Variants in TRIM44 observed in about 807,000 individuals in gnomAD.
TRIM44 encodes tripartite motif containing 44.
Under a neutral mutation model 37.4 loss-of-function variants are expected in TRIM44, and 13 were observed. The ratio of observed to expected loss-of-function variants is 0.35; its 90% confidence interval spans 0.23 to 0.55. The LOEUF is 0.55. TRIM44 is among the 20% of genes least tolerant of loss of function. The pLI is 0.89. For missense variants in TRIM44, 426 were observed against 437.2 expected (o/e 0.97, Z 0.23); for synonymous variants, 175 against 157.2 (o/e 1.11, Z -0.85).
intron 4 of TRIM44, among the ~76,000 whole-genome samples, chr11:35,753,780 G>A (rs1852588265): frequency 6.6e-6 from 1 of 151,708 alleles, no homozygotes; most frequent in Non-Finnish European, 1.5e-5. Flanking sequence ...GCAGGTTGCA[G>A]CGCAGTGGCG....
intron 2 of TRIM44, among the ~76,000 whole-genome samples, chr11:35,712,102 G>A (rs1407186403): frequency 1.3e-5 from 2 of 152,286 alleles, no homozygotes; most frequent in East Asian, 3.9e-4. Context: ...CTCTGTGAGT[G>A]AACTTGCCTG....
At chr11:35,664,281 T>G (rs1305130347) in intron 1 of TRIM44, among the ~76,000 whole-genome samples, 1 of 152,210 alleles carries the variant, frequency 6.6e-6, no homozygotes, top group African/African-American at 2.4e-5. Flanking sequence ...CATTTTAGAT[T>G]CTTCGTGTTT....
rs1590620080 is a variant in TRIM44 at position 35,813,696 on chromosome 11, A to G, written c.*7311A>G. 2.0e-5 allele frequency: 3 copies of G among 152,288 alleles called. No homozygotes were observed. The South Asian group carries it at 6.2e-4, about 32-fold the overall frequency. 9.4% of individuals were successfully genotyped at this position (152,288 alleles called of 1,614,324 possible). ...TCTATTTAAAATGATGACCCTGTGC[A>G]CCATACATAAAAAAACTATGCTTAG... On this transcript the variant is annotated 3_prime_UTR_variant, in exon 5 of 5. Coordinates refer to ENST00000299413, the MANE Select transcript of TRIM44 (RefSeq NM_017583.6).
At chr11:35,703,348 GACA>G (rs1851823536) in intron 2 of TRIM44, among the ~76,000 whole-genome samples, 1 of 152,230 alleles carries the variant, frequency 6.6e-6, no homozygotes, top group Non-Finnish European at 1.5e-5. Flanking sequence ...CAAACAAAAA[GACA>G]GCAGTAACCT....
At position 35,726,181 on chromosome 11, in the gene TRIM44, A is replaced by G; in HGVS notation, c.987+18A>G. The stretch of plus-strand genomic sequence containing the variant: ...AGGCAGAGGTAAAGGAAAAGCCCAT[A>G]ATTATTAGTAGCAAGAGAAATAGGA... On this transcript the variant is annotated intron_variant, in intron 3 of 4. Transcript: ENST00000299413. 1 of 1,610,070 alleles carries G rather than the reference A, an allele frequency of 6.2e-7. No homozygotes were observed. Among genetic ancestry groups the G allele is most frequent in the African/African-American group, 1.3e-5 (1 of 74,856 alleles).
intron 4 of TRIM44, among the ~76,000 whole-genome samples, chr11:35,780,669 G>A (rs1853050832): frequency 6.6e-6 from 1 of 152,138 alleles, no homozygotes; most frequent in Non-Finnish European, 1.5e-5. Flanking sequence ...GTTGTAAGTG[G>A]CAAGATCAGG....
chr11:35,754,949 G>A (rs541684196), intron 4 of TRIM44, among the ~76,000 whole-genome samples: 11 of 152,148 alleles, frequency 7.2e-5, no homozygotes, highest in Non-Finnish European at 1.6e-4. Context: ...ATTGTGAATA[G>A]TGCTGCAATA....
rs1480513321 is a variant in TRIM44, at chr11:35,807,640, A to G, written c.*1255A>G. 6.6e-6 allele frequency: 1 copy of G among 152,230 alleles called. No individual in the cohort carries two copies. The highest frequency in any genetic ancestry group is 1.5e-5 in the Non-Finnish European group (1 of 68,038). The allele number at this position is 152,230 out of a possible 1,614,324, so 9.4% of individuals were successfully genotyped here. ...TCTTCTTGAAGCATCAGTTTTACTT[A>G]CCAAATGGTTTAGAGTCATAAGATG... On this transcript the variant is annotated 3_prime_UTR_variant, in exon 5 of 5. Coordinates refer to ENST00000299413, the MANE Select transcript of TRIM44 (RefSeq NM_017583.6).
At chr11:35,702,256 T>G (rs1463678181) in intron 2 of TRIM44, among the ~76,000 whole-genome samples, 1 of 152,188 alleles carries the variant, frequency 6.6e-6, no homozygotes, top group African/African-American at 2.4e-5. Context: ...CATGAGACCC[T>G]GGCTTTCTGC....
At chr11:35,699,727 C>T (rs1939508295) in intron 2 of TRIM44, among the ~76,000 whole-genome samples, 1 of 151,608 alleles carries the variant, frequency 6.6e-6, no homozygotes. Flanking sequence ...CCAAAATCTC[C>T]TTAAGCCCAT....
In TRIM44 at chr11:35,774,544, C is replaced by A. The variant is rs1296755284; in HGVS notation, c.1008-31814C>A. ...TGTTTTAATCATGAAGTCCTTGCCCCTGCCTATGTCCTGAATGGTATTACC... is the reference window on the plus strand; with the variant it reads ...TGTTTTAATCATGAAGTCCTTGCCCATGCCTATGTCCTGAATGGTATTACC... On this transcript the variant is annotated intron_variant, in intron 4 of 4. Coordinates refer to ENST00000299413, the MANE Select transcript of TRIM44 (RefSeq NM_017583.6). Among the ~76,000 whole-genome samples, 3 of 152,110 alleles carry A rather than the reference C, an allele frequency of 2.0e-5. No individual in the cohort carries two copies. The East Asian group carries it at 5.8e-4, about 29-fold the overall frequency.
chr11:35,736,884 A>G (rs1279808207), intron 4 of TRIM44, among the ~76,000 whole-genome samples: 2 of 152,142 alleles, frequency 1.3e-5, no homozygotes, highest in South Asian at 2.1e-4. Flanking sequence ...CATTTAACAT[A>G]TATTCGTGAC....
rs537778465 is a variant in TRIM44, at chr11:35,789,878, ACG to A, written c.1008-16479_1008-16478del. On this transcript the variant is annotated intron_variant, in intron 4 of 4. Transcript: ENST00000299413. The stretch of plus-strand genomic sequence containing the variant: ...ATTTCTATTGAAATCAATCGTAAAT[ACG>A]ATAGATTTCTATTGAAATCTATCGT... 1.9e-3 allele frequency among the ~76,000 whole-genome samples: 281 copies of A among 151,284 alleles called. 2 individuals carry two copies. Among genetic ancestry groups the A allele is most frequent in the African/African-American group, 6.6e-3 (270 of 40,612 alleles).
At chr11:35,724,765 T>C (rs1323017503) in intron 2 of TRIM44, among the ~76,000 whole-genome samples, 2 of 152,320 alleles carry the variant, frequency 1.3e-5, no homozygotes, top group East Asian at 3.9e-4. Context: ...TAGTAAAAGT[T>C]TAAAAGCTTG....
Position 35,781,569 on chromosome 11 carries a change from A to G in TRIM44, c.1008-24789A>G, listed in dbSNP as rs542763751. Among the ~76,000 whole-genome samples the G allele has an allele frequency of 9.2e-5, 14 of 152,348 alleles. No individual in the cohort carries two copies. The South Asian group carries it at 2.3e-3, about 25-fold the overall frequency. On this transcript the variant is annotated intron_variant, in intron 4 of 4. Transcript: ENST00000299413. ...AGCCTCCAGATCCCTAGTCACACAGATAGAACTTAGGCACCTCGGAAGCAA... is the reference window on the plus strand; with the variant it reads ...AGCCTCCAGATCCCTAGTCACACAGGTAGAACTTAGGCACCTCGGAAGCAA...
At chr11:35,736,702 T>C (rs1377919456) in intron 4 of TRIM44, among the ~76,000 whole-genome samples, 1 of 152,222 alleles carries the variant, frequency 6.6e-6, no homozygotes, top group African/African-American at 2.4e-5. Context: ...TTGTCTACTA[T>C]GGCTAAAGCC....
chr11:35,665,414 T>G (rs1851319831), intron 1 of TRIM44, among the ~76,000 whole-genome samples: 1 of 152,128 alleles, frequency 6.6e-6, no homozygotes, highest in Non-Finnish European at 1.5e-5. Flanking sequence ...TTTTCATTTT[T>G]GTCAATCTTG....
At position 35,691,721 on chromosome 11, in the gene TRIM44, T is replaced by G. The variant is rs1196245166; in HGVS notation, c.747+6385T>G. 2.0e-5 allele frequency among the ~76,000 whole-genome samples: 3 copies of G among 152,216 alleles called. No individual in the cohort carries two copies. The East Asian group carries it at 5.8e-4, about 29-fold the overall frequency. ...GTGCAGTGGCATGATCTCGAGTTACTGTAAGCTCCACCTCCCAGGTTCACA... is the reference window on the plus strand; with the variant it reads ...GTGCAGTGGCATGATCTCGAGTTACGGTAAGCTCCACCTCCCAGGTTCACA... On this transcript the variant is annotated intron_variant, in intron 2 of 4. Coordinates refer to ENST00000299413, the MANE Select transcript of TRIM44 (RefSeq NM_017583.6).
rs866692671 is a variant in TRIM44 at position 35,718,922 on chromosome 11, C to G, written c.748-7002C>G. The stretch of plus-strand genomic sequence containing the variant: ...TGTTTTTCTTCTTTTTTTGGTGGGG[C>G]GGGGGGGTTGATTAATATTCTGTTG... On this transcript the variant is annotated intron_variant, in intron 2 of 4. Transcript: ENST00000299413. Among the ~76,000 whole-genome samples, 214 of 145,344 alleles carry G rather than the reference C, an allele frequency of 1.5e-3. 2 individuals carry two copies. Among genetic ancestry groups the G allele is most frequent in the African/African-American group, 5.2e-3 (204 of 39,152 alleles).
Sources: allele counts gnomAD v4.1 joint callset (sites outside exome capture counted in the v4.1 genomes callset), GRCh38; gene constraint gnomAD v4.1.1; transcripts MANE v1.5; gene names NCBI Gene and HGNC (gene_info 2026-07-23, HGNC 2026-07-21).